The following PCDHA3 variants were observed in gnomAD, a reference collection of about 807,000 sequenced individuals.
PCDHA3 encodes protocadherin alpha 3.
Under a neutral mutation model 62.2 loss-of-function variants are expected in PCDHA3, and 41 were observed. The ratio of observed to expected loss-of-function variants is 0.66; its 90% CI spans 0.51 to 0.86. The LOEUF is 0.86. Among genes scored for constraint, PCDHA3 ranks in the 40% least tolerant of loss-of-function variants. PCDHA3 has a pLI of 0.00. For synonymous variants in PCDHA3, 640 were observed against 555.4 expected, an observed-to-expected ratio of 1.15 and a Z score of -2.14; for missense variants, 1,304 against 1,241.2, an observed-to-expected ratio of 1.05 and a Z score of -0.76.
chr5:140,876,493 C>T (rs1554168608), intron 1 of PCDHA3: 2 of 1,614,008 alleles, frequency 1.2e-6, no homozygotes, highest in Admixed American at 3.3e-5. Context: ...GGTGGAAGTT[C>T]TGGACGTGAA....
Position 141,010,035 on chromosome 5 carries a change from G to A in PCDHA3, c.*98G>A. 7 of 1,582,518 alleles carry A rather than the reference G, an allele frequency of 4.4e-6. No individual in the cohort carries two copies. The South Asian group carries it at 7.1e-5, about 16-fold the overall frequency. ...CTGCTCCTTTTTCCTATCTACATGAGCCCTCTTAGAGACCTCAGAAATCTG... is the reference window on the plus strand; with the variant it reads ...CTGCTCCTTTTTCCTATCTACATGAACCCTCTTAGAGACCTCAGAAATCTG... On this transcript the variant is annotated 3_prime_UTR_variant, in exon 4 of 4. Coordinates refer to ENST00000522353, the MANE Select transcript of PCDHA3 (RefSeq NM_018906.3).
At position 140,856,610 on chromosome 5, in the gene PCDHA3, G is replaced by A. The variant is rs782134319; in HGVS notation, c.2394+53019G>A. Reference sequence around the variant, plus strand: ...TGATATTATAAACAAAAAAGACAAAGACAAATTCCCAGTGCTTGTTCTGCG... The same window carrying A: ...TGATATTATAAACAAAAAAGACAAAAACAAATTCCCAGTGCTTGTTCTGCG... On this transcript the variant is annotated intron_variant, in intron 1 of 3. Transcript: ENST00000522353. 5 of 1,597,928 alleles carry A rather than the reference G, an allele frequency of 3.1e-6. No homozygotes were observed. The Admixed American group carries it at 5.1e-5, about 16-fold the overall frequency.
intron 1 of PCDHA3, among the ~76,000 whole-genome samples, chr5:140,960,324 G>A (rs2095540604): frequency 6.6e-6 from 1 of 152,168 alleles, no homozygotes; most frequent in Non-Finnish European, 1.5e-5. Context: ...AGGGTCCTGT[G>A]AGAAGTACAT....
chr5:140,998,497 G>A (rs1367409428), intron 3 of PCDHA3, among the ~76,000 whole-genome samples: 2 of 152,090 alleles, frequency 1.3e-5, no homozygotes, highest in East Asian at 3.8e-4. Flanking sequence ...TTTGAGAACA[G>A]GGTACTTGTC....
chr5:140,882,482 G>A, intron 1 of PCDHA3: 1 of 1,614,048 alleles, frequency 6.2e-7, no homozygotes, highest in South Asian at 1.1e-5. Context: ...CAAAAGACAC[G>A]GGGACCTTCT....
chr5:140,954,116 G>A (rs1190456994), intron 1 of PCDHA3, among the ~76,000 whole-genome samples: 2 of 152,118 alleles, frequency 1.3e-5, no homozygotes, highest in East Asian at 3.9e-4. Context: ...ACAAGATCTT[G>A]TTCCTTTTTA....
chr5:140,808,521 T>G, intron 1 of PCDHA3: 1 of 1,613,976 alleles, frequency 6.2e-7, no homozygotes, highest in Non-Finnish European at 8.5e-7. Flanking sequence ...TCTGTGGAGG[T>G]GGCTGATGTG....
intron 1 of PCDHA3, chr5:140,823,879 G>A (rs1307861296): frequency 1.2e-6 from 2 of 1,613,898 alleles, no homozygotes; most frequent in African/African-American, 1.3e-5. Flanking sequence ...CCTGATCATC[G>A]CCATCTGTGC....
chr5:140,853,640 A>G, intron 1 of PCDHA3: 1 of 988,756 alleles, frequency 1.0e-6, no homozygotes, highest in Non-Finnish European at 1.2e-6. Context: ...CACAGACCTA[A>G]ATTGAGCCTG....
intron 1 of PCDHA3, among the ~76,000 whole-genome samples, chr5:140,914,392 AC>A (rs1554196309): frequency 6.6e-6 from 1 of 151,928 alleles, no homozygotes; most frequent in Non-Finnish European, 1.5e-5. Flanking sequence ...AAGTGTAGTT[AC>A]CCCTGCTCCT....
chr5:140,926,881 C>G, intron 1 of PCDHA3: 1 of 1,541,960 alleles, frequency 6.5e-7, no homozygotes, highest in Non-Finnish European at 8.8e-7. Context: ...AACGTGGACG[C>G]CTAGAGGGAG....
chr5:140,820,446 G>T (rs1554127843), intron 1 of PCDHA3, among the ~76,000 whole-genome samples: 2 of 151,820 alleles, frequency 1.3e-5, no homozygotes, highest in African/African-American at 4.8e-5. Context: ...TAATCTCTTG[G>T]TCCCTCTTGT....
intron 1 of PCDHA3, chr5:140,836,211 G>T: frequency 6.2e-7 from 1 of 1,613,840 alleles, no homozygotes; most frequent in Non-Finnish European, 8.5e-7. Context: ...GCTTTCGTAT[G>T]AGTTGCAACC....
At chr5:140,828,649 TG>T in intron 1 of PCDHA3, 1 of 1,614,100 alleles carries the variant, frequency 6.2e-7, no homozygotes, top group Non-Finnish European at 8.5e-7. Context: ...AAATAAACAG[TG>T]ATGACAATAA....
intron 1 of PCDHA3, among the ~76,000 whole-genome samples, chr5:140,953,085 A>G (rs1197965470): frequency 2.0e-5 from 3 of 152,246 alleles, no homozygotes; most frequent in African/African-American, 4.8e-5. Flanking sequence ...ATTGGGGATT[A>G]CAATTTGACA....
chr5:140,856,885 A>G, intron 1 of PCDHA3: 2 of 1,596,608 alleles, frequency 1.3e-6, no homozygotes, highest in Non-Finnish European at 1.7e-6. Context: ...TGATGTATTC[A>G]TTTAGCTCTT....
intron 1 of PCDHA3, chr5:140,856,554 A>G: frequency 1.3e-6 from 2 of 1,598,244 alleles, no homozygotes; most frequent in Non-Finnish European, 1.7e-6. Context: ...TTGCTTACTT[A>G]CAAACTCAGT....
At chr5:140,877,812 A>AGT (rs1199623134) in intron 1 of PCDHA3, 1 of 1,610,228 alleles carries the variant, frequency 6.2e-7, no homozygotes, top group East Asian at 2.2e-5. Context: ...AGCTGTCTCG[A>AGT]GAAGATTGTT....
At chr5:140,868,882 T>G in intron 1 of PCDHA3, 1 of 715,192 alleles carries the variant, frequency 1.4e-6, no homozygotes, top group Non-Finnish European at 2.2e-6. Context: ...GTACTCACAG[T>G]TTTAGGCGCA....
Sources: allele counts gnomAD v4.1 joint callset (sites outside exome capture counted in the v4.1 genomes callset), GRCh38; gene constraint gnomAD v4.1.1; transcripts MANE v1.5; gene names NCBI Gene and HGNC (gene_info 2026-07-23, HGNC 2026-07-21).